The following MSRA variants were observed in gnomAD, a reference collection of about 807,000 sequenced individuals.
MSRA encodes the protein methionine sulfoxide reductase A, also known as mitochondrial peptide methionine sulfoxide reductase.
A neutral mutation model predicts 31.3 loss-of-function variants in MSRA; 54 were observed. The ratio of observed to expected loss-of-function variants is 1.73; its 90% CI spans 1.39 to 2.17. MSRA has a LOEUF of 2.17. MSRA is among the 30% of genes most tolerant of loss of function. The probability of loss-of-function intolerance (pLI) is 0.00; values close to 1 mark genes in which losing one functional copy is unlikely to be tolerated. For synonymous variants in MSRA, 169 were observed against 116.5 expected (o/e 1.45, Z -2.90); for missense variants, 507 against 300.9 (o/e 1.69, Z -5.07).
intron 1 of MSRA, among the ~76,000 whole-genome samples, chr8:10,094,104 C>T (rs541932862): frequency 6.6e-5 from 10 of 152,206 alleles, no homozygotes; most frequent in African/African-American, 1.9e-4. Context: ...AGTCTGCCCA[C>T]GTTTCATCAT....
At chr8:10,382,107 G>T (rs534533851) in intron 5 of MSRA, among the ~76,000 whole-genome samples, 18 of 152,316 alleles carry the variant, frequency 1.2e-4, no homozygotes, top group African/African-American at 4.3e-4. Context: ...AAGCTCTACT[G>T]CCCCCAGTGA....
intron 1 of MSRA, among the ~76,000 whole-genome samples, chr8:10,080,285 A>G (rs2128922672): frequency 1.3e-5 from 2 of 150,768 alleles, no homozygotes; most frequent in Admixed American, 1.3e-4. Flanking sequence ...TTTCATTTCT[A>G]TGGGATGGCT....
At chr8:10,351,107 C>T (rs945889123) in intron 5 of MSRA, among the ~76,000 whole-genome samples, 2 of 152,296 alleles carry the variant, frequency 1.3e-5, no homozygotes, top group Non-Finnish European at 2.9e-5. Context: ...CCAAGTGCAA[C>T]CTGAGATGCT....
intron 1 of MSRA, among the ~76,000 whole-genome samples, chr8:10,125,113 T>A (rs1004397463): frequency 2.6e-5 from 4 of 152,228 alleles, no homozygotes; most frequent in African/African-American, 9.6e-5. Flanking sequence ...TGATAAGACT[T>A]CCAGATTTTG....
At chr8:10,155,000 T>TATATA in intron 1 of MSRA, among the ~76,000 whole-genome samples, 1 of 98,460 alleles carries the variant, frequency 1.0e-5, no homozygotes, top group Admixed American at 1.0e-4. Flanking sequence ...TGTGTATATA[T>TATATA]TTTATATATA....
At position 10,236,433 on chromosome 8, in the gene MSRA, G is replaced by A. The variant is rs1811946069; in HGVS notation, c.212-8671G>A. On this transcript the variant is annotated intron_variant, in intron 2 of 5. Coordinates refer to ENST00000317173, the MANE Select transcript of MSRA (RefSeq NM_012331.5). ...CTGTATGGAAGGTATACTAAAATCA[G>A]GGTGTTTTTATACACCAGCACTAAG... 4.6e-5 allele frequency among the ~76,000 whole-genome samples: 7 copies of A among 152,184 alleles called. No homozygotes were observed. The South Asian group carries it at 1.4e-3, about 32-fold the overall frequency.
intron 5 of MSRA, among the ~76,000 whole-genome samples, chr8:10,419,769 T>A (rs1808700837): frequency 6.6e-6 from 1 of 152,206 alleles, no homozygotes; most frequent in African/African-American, 2.4e-5. Flanking sequence ...CGGGCAAGTC[T>A]AGCTCTCTTG....
intron 3 of MSRA, among the ~76,000 whole-genome samples, chr8:10,247,018 G>A (rs577626455): frequency 6.6e-6 from 1 of 152,224 alleles, no homozygotes; most frequent in South Asian, 2.1e-4. Flanking sequence ...AGTATCTATT[G>A]CTTTATACCT....
chr8:10,427,232 G>C (rs570821641), intron 5 of MSRA, among the ~76,000 whole-genome samples: 2 of 152,136 alleles, frequency 1.3e-5, no homozygotes, highest in African/African-American at 2.4e-5. Flanking sequence ...CTCTGTGGCC[G>C]TGTGCTCACA....
chr8:10,295,854 G>A (rs553099870), intron 3 of MSRA, among the ~76,000 whole-genome samples: 6 of 152,268 alleles, frequency 3.9e-5, no homozygotes, highest in East Asian at 1.9e-4. Context: ...AGAGGAAGTC[G>A]TTGACAGGGT....
At chr8:10,378,791 T>G (rs573171801) in intron 5 of MSRA, among the ~76,000 whole-genome samples, 1 of 152,310 alleles carries the variant, frequency 6.6e-6, no homozygotes, top group Non-Finnish European at 1.5e-5. Flanking sequence ...TAATTCATGT[T>G]TAAAAATCCC....
intron 1 of MSRA, among the ~76,000 whole-genome samples, chr8:10,168,740 T>G (rs1406277810): frequency 6.6e-6 from 1 of 152,196 alleles, no homozygotes; most frequent in African/African-American, 2.4e-5. Context: ...ATTTGAGCTC[T>G]CACAGCCCAG....
At chr8:10,383,933 T>C (rs1308914416) in intron 5 of MSRA, among the ~76,000 whole-genome samples, 1 of 152,140 alleles carries the variant, frequency 6.6e-6, no homozygotes, top group Admixed American at 6.5e-5. Flanking sequence ...CCTCATACGC[T>C]CATCCCCACT....
intron 1 of MSRA, among the ~76,000 whole-genome samples, chr8:10,132,625 G>A (rs1265474171): frequency 1.3e-5 from 2 of 152,194 alleles, no homozygotes; most frequent in Non-Finnish European, 2.9e-5. Context: ...AGAGAAAGCA[G>A]GCTGTCCTAT....
At chr8:10,091,530 T>TAA (rs1398548691) in intron 1 of MSRA, among the ~76,000 whole-genome samples, 1 of 152,086 alleles carries the variant, frequency 6.6e-6, no homozygotes, top group Non-Finnish European at 1.5e-5. Flanking sequence ...AACATGGGAG[T>TAA]ACACATTGTC....
intron 5 of MSRA, among the ~76,000 whole-genome samples, chr8:10,353,065 G>A (rs999330593): frequency 3.3e-5 from 5 of 152,082 alleles, no homozygotes; most frequent in African/African-American, 4.8e-5. Flanking sequence ...GAGGTGGAGA[G>A]AGCATTCCAG....
intron 4 of MSRA, among the ~76,000 whole-genome samples, chr8:10,306,400 T>A (rs1050921083): frequency 6.6e-6 from 1 of 152,164 alleles, no homozygotes; most frequent in Non-Finnish European, 1.5e-5. Flanking sequence ...TCCATCAGAT[T>A]TTAATTTTAC....
At chr8:10,202,946 G>A (rs1033629338) in intron 1 of MSRA, among the ~76,000 whole-genome samples, 22 of 152,066 alleles carry the variant, frequency 1.4e-4, no homozygotes, top group South Asian at 2.1e-4. Flanking sequence ...CAGTCAGGCC[G>A]TCTTGTCCTG....
intron 5 of MSRA, among the ~76,000 whole-genome samples, chr8:10,419,341 C>T (rs1808674577): frequency 6.6e-6 from 1 of 151,272 alleles, no homozygotes; most frequent in African/African-American, 2.4e-5. Context: ...TACCCCTCAC[C>T]CTTGTGAATT....
Sources: allele counts gnomAD v4.1 joint callset (sites outside exome capture counted in the v4.1 genomes callset), GRCh38; gene constraint gnomAD v4.1.1; transcripts MANE v1.5; gene names NCBI Gene and HGNC (gene_info 2026-07-23, HGNC 2026-07-21).